Variants in GTF2E2 observed in about 807,000 individuals in gnomAD.
The protein encoded by GTF2E2 is general transcription factor IIE subunit 2, also known as transcription initiation factor IIE subunit beta.
GTF2E2 carries 21 observed loss-of-function variants against 40.5 expected under a neutral mutation model. That is an observed-to-expected ratio of 0.52 (90% CI 0.37 to 0.75). The LOEUF (loss-of-function observed/expected upper bound fraction) is 0.75. GTF2E2 is among the 30% of genes least tolerant of loss of function. The pLI is 0.00. For missense variants in GTF2E2, 298 were observed against 338.4 expected (o/e 0.88, Z 0.94); for synonymous variants, 117 against 121.6 (o/e 0.96, Z 0.25).
chr8:30,651,004 A>G (rs1242363834), intron 2 of GTF2E2, among the ~76,000 whole-genome samples: 2 of 112,544 alleles, frequency 1.8e-5, no homozygotes, highest in Non-Finnish European at 3.9e-5. Flanking sequence ...ACAGAGCAAG[A>G]CTCCGTCTCA....
At chr8:30,626,490 G>C (rs1334771321) in intron 3 of GTF2E2, among the ~76,000 whole-genome samples, 2 of 152,052 alleles carry the variant, frequency 1.3e-5, no homozygotes, top group Non-Finnish European at 2.9e-5. Flanking sequence ...TCTCAAAAAA[G>C]AAAAAAGAAG....
In GTF2E2 at chr8:30,578,491, A is replaced by C; in HGVS notation, c.*430T>G. The C allele has an allele frequency of 6.2e-6, 1 of 160,400 alleles. No homozygotes were observed. Among genetic ancestry groups the C allele is most frequent in the Non-Finnish European group, 1.4e-5 (1 of 73,172 alleles). The allele number at this position is 160,400 out of a possible 1,614,324, so 9.9% of individuals were successfully genotyped here. A position where few individuals can be genotyped will look rare whatever the true frequency, so the allele number is the denominator to read the frequency against. On this transcript the variant is annotated 3_prime_UTR_variant, in exon 8 of 8. Coordinates refer to ENST00000355904, the MANE Select transcript of GTF2E2 (RefSeq NM_002095.6). ...CTGCTTCCTGCCATTTCCGAGAATG[A>C]AAAGAAACAGAATTCACTAACATCT...
chr8:30,578,568 C>A lies in GTF2E2; in HGVS notation c.*353G>T. ...TATAAATATGTTCTTTTGGAATAAA[C>A]AAATATTGCATTCAAGACTATGGGC... On this transcript the variant is annotated 3_prime_UTR_variant, in exon 8 of 8. Transcript: ENST00000355904. 1 of 161,724 alleles carries A rather than the reference C, an allele frequency of 6.2e-6. No homozygotes were observed. Among genetic ancestry groups the A allele is most frequent in the Non-Finnish European group, 1.3e-5 (1 of 74,220 alleles). 10.0% of individuals were successfully genotyped at this position (161,724 alleles called of 1,614,324 possible).
At chr8:30,648,451 A>C (rs1425657589) in intron 2 of GTF2E2, among the ~76,000 whole-genome samples, 1 of 152,228 alleles carries the variant, frequency 6.6e-6, no homozygotes, top group Non-Finnish European at 1.5e-5. Flanking sequence ...CAATCCAATG[A>C]CCGTGGCCTG....
intron 3 of GTF2E2, among the ~76,000 whole-genome samples, chr8:30,628,694 G>C (rs904432208): frequency 1.3e-5 from 2 of 152,170 alleles, no homozygotes; most frequent in Non-Finnish European, 2.9e-5. Flanking sequence ...CATTTTGAGA[G>C]GCCGAGGCAG....
chr8:30,629,809 C>G (rs1801389211), intron 3 of GTF2E2, among the ~76,000 whole-genome samples: 1 of 151,824 alleles, frequency 6.6e-6, no homozygotes, highest in African/African-American at 2.4e-5. Context: ...GCTGATACTG[C>G]TGGCTGGAGA....
chr8:30,607,157 G>T lies in GTF2E2; in HGVS notation c.550-7C>A. The T allele has an allele frequency of 2.7e-6, 3 of 1,124,300 alleles. No individual in the cohort carries two copies. Among genetic ancestry groups the T allele is most frequent in the Non-Finnish European group, 3.8e-6 (3 of 780,796 alleles). 69.6% of individuals were successfully genotyped at this position (1,124,300 alleles called of 1,614,324 possible). On this transcript the variant is annotated splice_region_variant and splice_polypyrimidine_tract_variant and intron_variant, in intron 5 of 7. Transcript: ENST00000355904. ...GTATCTGGTCCCCCAAAGCCTTAAA[G>T]ATAGATAAAATAAAGATTTTTCAGT...
At chr8:30,631,440 G>T (rs1489348954) in intron 3 of GTF2E2, among the ~76,000 whole-genome samples, 1 of 152,154 alleles carries the variant, frequency 6.6e-6, no homozygotes, top group Non-Finnish European at 1.5e-5. Context: ...AAATATAAAA[G>T]AAATACTTTC....
At chr8:30,655,641 G>A (rs958311758) in intron 1 of GTF2E2, among the ~76,000 whole-genome samples, 1 of 152,104 alleles carries the variant, frequency 6.6e-6, no homozygotes, top group Non-Finnish European at 1.5e-5. Flanking sequence ...GAAAGGTTAC[G>A]GAAGATAAAT....
chr8:30,655,968 G>A (rs948795258), intron 1 of GTF2E2, among the ~76,000 whole-genome samples: 1 of 151,934 alleles, frequency 6.6e-6, no homozygotes, highest in African/African-American at 2.4e-5. Flanking sequence ...GCAGCACCAC[G>A]CCCCGCCAAT....
intron 3 of GTF2E2, among the ~76,000 whole-genome samples, chr8:30,620,894 A>T (rs1451567695): frequency 6.6e-6 from 1 of 151,576 alleles, no homozygotes; most frequent in East Asian, 1.9e-4. Context: ...GCGCTACTGC[A>T]CTCCAGCCTG....
At chr8:30,603,035 C>A (rs573537814) in intron 6 of GTF2E2, among the ~76,000 whole-genome samples, 22 of 152,270 alleles carry the variant, frequency 1.4e-4, no homozygotes, top group African/African-American at 5.1e-4. Flanking sequence ...GCATTTCATA[C>A]AATCCGCAGT....
chr8:30,580,238 TCC>T, intron 7 of GTF2E2, 41 bp downstream of exon 7: 1 of 1,078,996 alleles, frequency 9.3e-7, no homozygotes, highest in Non-Finnish European at 1.4e-6. Flanking sequence ...GGCTAACAGT[TCC>T]CAGGGCAGGG....
At chr8:30,622,172 T>C (rs1801123891) in intron 3 of GTF2E2, among the ~76,000 whole-genome samples, 1 of 126,204 alleles carries the variant, frequency 7.9e-6, no homozygotes, top group Admixed American at 9.4e-5. Flanking sequence ...CCTTCCTGTG[T>C]CCAAGGGTAT....
At chr8:30,649,576 G>A (rs1167281757) in intron 2 of GTF2E2, among the ~76,000 whole-genome samples, 2 of 152,316 alleles carry the variant, frequency 1.3e-5, no homozygotes, top group Non-Finnish European at 1.5e-5. Context: ...TGGGTGAGGT[G>A]GCTCAGGCCT....
At chr8:30,614,538 ACT>A (rs1800855998) in intron 4 of GTF2E2, 68 bp downstream of exon 4, 1 of 849,378 alleles carries the variant, frequency 1.2e-6, no homozygotes, top group Non-Finnish European at 2.0e-6. Flanking sequence ...ACAGAGCAAG[ACT>A]CTGTCTTAAA....
intron 3 of GTF2E2, among the ~76,000 whole-genome samples, chr8:30,618,624 T>C (rs1800995566): frequency 6.6e-6 from 1 of 152,150 alleles, no homozygotes; most frequent in East Asian, 1.9e-4. Flanking sequence ...CTGTAAGAAA[T>C]GAATTACAAA....
At chr8:30,599,474 G>A (rs547452699) in intron 6 of GTF2E2, among the ~76,000 whole-genome samples, 12 of 151,774 alleles carry the variant, frequency 7.9e-5, no homozygotes, top group Non-Finnish European at 1.6e-4. Context: ...AGCTACTCGG[G>A]AGTCTGAGAC....
intron 2 of GTF2E2, among the ~76,000 whole-genome samples, chr8:30,646,733 G>A (rs1257426071): frequency 6.6e-6 from 1 of 152,154 alleles, no homozygotes; most frequent in Admixed American, 6.5e-5. Flanking sequence ...TGTCATCCCA[G>A]CACTTTGGGA....
Sources: gnomAD v4.1 joint callset for allele counts (sites outside exome capture counted in the v4.1 genomes callset) on GRCh38, gnomAD v4.1.1 for gene constraint, MANE v1.5 for transcripts, NCBI Gene and HGNC (gene_info 2026-07-23, HGNC 2026-07-21) for gene names.